Variants in KIF24 observed in about 807,000 individuals in gnomAD.
The protein encoded by KIF24 is kinesin family member 24, also known as kinesin-like protein KIF24.
In KIF24, 81 loss-of-function variants were observed where a neutral mutation model predicts 118.9. The observed-to-expected ratio is 0.68, with a 90% CI of 0.57 to 0.82. The LOEUF (loss-of-function observed/expected upper bound fraction) is 0.82, where lower values mean the gene tolerates loss of function less well. Ranked by LOEUF, KIF24 falls within the 40% of genes least tolerant of loss-of-function variation. KIF24 has a pLI of 0.00. For missense variants in KIF24, 1,560 were observed against 1,661.6 expected (o/e 0.94, Z 1.06); for synonymous variants, 599 against 610.0 (o/e 0.98, Z 0.27).
intron 6 of KIF24, among the ~76,000 whole-genome samples, chr9:34,283,327 G>A (rs1835924144): frequency 1.3e-5 from 2 of 151,964 alleles, no homozygotes; most frequent in Non-Finnish European, 1.5e-5. Flanking sequence ...AGCTGAAATC[G>A]CGCCAATGCA....
rs776039067 is a variant in KIF24, at chr9:34,263,189, C to A, written c.1444-17G>T. The A allele has an allele frequency of 6.3e-6, 10 of 1,599,570 alleles. No homozygotes were observed. The Admixed American group carries it at 8.4e-5, about 13-fold the overall frequency. On this transcript the variant is annotated splice_polypyrimidine_tract_variant and intron_variant, in intron 8 of 12. Transcript: ENST00000402558. ...TTCCTTCAGCTGCAAAGTGGGAGAACAAGCACATCAAGTATCAAGTGCAAA... is the reference window on the plus strand; with the variant it reads ...TTCCTTCAGCTGCAAAGTGGGAGAAAAAGCACATCAAGTATCAAGTGCAAA...
chr9:34,306,332 T>G lies in KIF24; in HGVS notation c.733A>C (p.Ile245Leu), dbSNP rs375119089. The change falls in exon 3 of 13, where the codon ATT (isoleucine) becomes CTT (leucine). Residue 245 changes from isoleucine (I) to leucine (L), a missense_variant. Coordinates refer to ENST00000402558, the MANE Select transcript of KIF24 (RefSeq NM_194313.4). ...MREVRRGEIN[I>L]ITVEDKETLL... The stretch of plus-strand genomic sequence containing the variant: ...GTTTCTTTGTCTTCTACAGTAATAA[T>G]ATTAATTTCTCCACGACGTACCTCC... 10 of 1,610,238 alleles carry G rather than the reference T, an allele frequency of 6.2e-6. No homozygotes were observed. The highest frequency in any genetic ancestry group is 8.5e-6 in the Non-Finnish European group (10 of 1,176,568).
chr9:34,281,458 G>C (rs892378443), intron 6 of KIF24, among the ~76,000 whole-genome samples: 24 of 152,042 alleles, frequency 1.6e-4, no homozygotes, highest in Non-Finnish European at 2.9e-5. Context: ...TGTGATTCTG[G>C]GTTATCACTT....
At chr9:34,275,837 TA>T (rs201601793) in intron 6 of KIF24, among the ~76,000 whole-genome samples, 182 of 148,180 alleles carry the variant, frequency 1.2e-3, no homozygotes, top group Non-Finnish European at 1.8e-3. Context: ...AGTGTCTGTC[TA>T]AAAAAAAAAA....
intron 3 of KIF24, among the ~76,000 whole-genome samples, chr9:34,298,300 C>T (rs924742447): frequency 6.6e-6 from 1 of 152,144 alleles, no homozygotes; most frequent in Admixed American, 6.5e-5. Flanking sequence ...AATCTCAGCA[C>T]TTTGGGAGGC....
rs1835156975 is a variant in KIF24 at position 34,263,127 on chromosome 9, G to T, written c.1489C>A (p.Pro497Thr). The change falls in exon 9 of 13, where the codon CCC becomes ACC. Residue 497 changes from proline to threonine, a missense_variant. Physicochemically the swap from Pro to Thr is conservative, Grantham distance 38 (BLOSUM62 -1). This residue lies in a region of KIF24 where 964 missense variants were observed against 988.0 expected (regional missense o/e 0.98). Transcript: ENST00000402558. Reference protein sequence around the residue: ...RALDQEHTHTPFRQSKLTQVL... With the variant: ...RALDQEHTHTTFRQSKLTQVL... ...TGAGTTAGTTTGCTTTGCCTGAAGG[G>T]AGTATGGGTGTGTTCCTGATCCAGT... is the stretch of plus-strand genomic sequence containing the variant. 6.2e-7 allele frequency: 1 copy of T among 1,613,444 alleles called. No homozygotes were observed. The highest frequency in any genetic ancestry group is 8.5e-7 in the Non-Finnish European group (1 of 1,179,642).
At chr9:34,308,772 A>C (rs1383015703) in intron 2 of KIF24, among the ~76,000 whole-genome samples, 1 of 152,092 alleles carries the variant, frequency 6.6e-6, no homozygotes, top group Non-Finnish European at 1.5e-5. Context: ...AAAGACATGC[A>C]TGTTTTTTTA....
chr9:34,318,677 G>A lies in KIF24; in HGVS notation c.-25-7306C>T. On this transcript the variant is annotated intron_variant, in intron 1 of 12. Transcript: ENST00000402558. This position sits in a 1 kb window ranked among gnomAD's most constrained non-coding sequence, Gnocchi z 4.9. ...GGGCGGCAAGGCGACCACGGCGTCG[G>A]AGGCCAAGGCAGTGCTGAGTGCCAA... is the stretch of plus-strand genomic sequence containing the variant. The A allele has an allele frequency of 6.5e-7, 1 of 1,541,842 alleles. No individual in the cohort carries two copies. Among genetic ancestry groups the A allele is most frequent in the Non-Finnish European group, 8.8e-7 (1 of 1,136,656 alleles).
intron 9 of KIF24, among the ~76,000 whole-genome samples, chr9:34,262,675 A>AATATATATATATATAT (rs1428160924): frequency 5.9e-4 from 16 of 27,058 alleles, no homozygotes; most frequent in African/African-American, 1.5e-3. Flanking sequence ...AAAAAAAAAA[A>AATATATATATATATAT]ATATATATAT....
chr9:34,254,649 A>G (rs1417474500), intron 12 of KIF24, 129 bp from the exon 13 acceptor site: 1 of 910,710 alleles, frequency 1.1e-6, no homozygotes, highest in Non-Finnish European at 1.7e-6. Context: ...GAGAACATGT[A>G]GGATAGTTGC....
Position 34,257,715 on chromosome 9 carries a change from C to A in KIF24, c.1892G>T (p.Gly631Val), listed in dbSNP as rs770283343. 2 of 1,613,922 alleles carry A rather than the reference C, an allele frequency of 1.2e-6. No homozygotes were observed. Among genetic ancestry groups the A allele is most frequent in the Non-Finnish European group, 1.7e-6 (2 of 1,179,904 alleles). Residue 631 changes from glycine (G) to valine (V), a missense_variant, in exon 11 of 13, where the codon GGT becomes GTT. Gly to Val is a moderately radical substitution (Grantham distance 109, BLOSUM62 -3). Around this residue, in one of 3 missense-constraint regions of KIF24, gnomAD observed 964 missense variants for 988.0 expected, o/e 0.98. Transcript: ENST00000402558. ...TTGTGAAGGACTCCCTCTGGAGCCA[C>A]CCCTTTTACCAGAGACCTTAGGTGC... ...TSAPKVSGKR[G>V]GSRGSPSQEW... is the part of the protein sequence containing the mutation.
rs751137697 is a variant in KIF24, at chr9:34,257,996, T to C, written c.1626-15A>G. 1 of 1,540,636 alleles carries C rather than the reference T, an allele frequency of 6.5e-7. No homozygotes were observed. The highest frequency in any genetic ancestry group is 2.3e-5 in the East Asian group (1 of 44,338). The stretch of plus-strand genomic sequence containing the variant: ...GTTCTTTGACCCTGTAAATAATCAT[T>C]TTATGTTAAATGTGTATTTTCACAT... On this transcript the variant is annotated splice_polypyrimidine_tract_variant and intron_variant, in intron 10 of 12. Coordinates refer to ENST00000402558, the MANE Select transcript of KIF24 (RefSeq NM_194313.4).
At chr9:34,276,150 C>T (rs2131717053) in intron 6 of KIF24, among the ~76,000 whole-genome samples, 1 of 152,164 alleles carries the variant, frequency 6.6e-6, no homozygotes, top group Non-Finnish European at 1.5e-5. Flanking sequence ...CGCCTATAAT[C>T]CGAGCACTTT....
intron 1 of KIF24, among the ~76,000 whole-genome samples, chr9:34,322,595 T>C (rs566805142): frequency 3.2e-4 from 48 of 152,036 alleles, no homozygotes; most frequent in Non-Finnish European, 6.0e-4. Flanking sequence ...GGCTCATGCC[T>C]ATAATCACAG....
At chr9:34,322,770 T>C (rs1376184252) in intron 1 of KIF24, among the ~76,000 whole-genome samples, 1 of 152,112 alleles carries the variant, frequency 6.6e-6, no homozygotes, top group Non-Finnish European at 1.5e-5. Context: ...TGCGGGGTAC[T>C]GCTTGAGCCT....
rs144702014 is a variant in KIF24 at position 34,255,922 on chromosome 9, T to C, written c.3685A>G (p.Arg1229Gly). 18 of 1,613,980 alleles carry C rather than the reference T, an allele frequency of 1.1e-5. No individual in the cohort carries two copies. The African/African-American group carries it at 2.4e-4, about 22-fold the overall frequency. Residue 1229 changes from arginine (R) to glycine (G), a missense_variant, in exon 11 of 13, where the codon AGG becomes GGG. Arg to Gly is a moderately radical substitution (Grantham distance 125, BLOSUM62 -2). Coordinates refer to ENST00000402558, the MANE Select transcript of KIF24 (RefSeq NM_194313.4). ...LWAQERKHPTRLGWQEFGLST... is the reference protein window; with the variant it reads ...LWAQERKHPTGLGWQEFGLST... ...AAACCAAACTCCTGCCAACCAAGCC[T>C]TGTAGGATGTTTTCTCTCCTGGGCC...
chr9:34,327,279 A>G (rs1837699489), intron 1 of KIF24, among the ~76,000 whole-genome samples: 1 of 152,130 alleles, frequency 6.6e-6, no homozygotes, highest in Non-Finnish European at 1.5e-5. Flanking sequence ...CTGGATTAAT[A>G]TATCAGGCAT....
chr9:34,329,675 T>G (rs1440543756), upstream of KIF24: 1 of 152,428 alleles, frequency 6.6e-6, no homozygotes, highest in East Asian at 1.9e-4. Flanking sequence ...GGAATCTGCC[T>G]CTGGCAAACC....
chr9:34,303,946 T>A (rs1289886770), intron 3 of KIF24, among the ~76,000 whole-genome samples: 1 of 152,192 alleles, frequency 6.6e-6, no homozygotes, highest in South Asian at 2.1e-4. Context: ...AGCTTCCATA[T>A]TAAACTTGTA....
Sources: gnomAD v4.1 joint callset for allele counts (sites outside exome capture counted in the v4.1 genomes callset) on GRCh38, gnomAD v4.1.1 for gene constraint, gnomAD v4.1.1 regional missense constraint, Gnocchi (gnomAD v3.1) non-coding constraint, MANE v1.5 for transcripts, NCBI Gene and HGNC (gene_info 2026-07-23, HGNC 2026-07-21) for gene names.